The following TTLL11 variants were observed in gnomAD, a reference collection of about 807,000 sequenced individuals.
The protein encoded by TTLL11 is tubulin tyrosine ligase like 11, also known as tubulin polyglutamylase TTLL11.
TTLL11 carries 42 observed loss-of-function variants against 51.7 expected under a neutral mutation model. The ratio of observed to expected loss-of-function variants is 0.81; its 90% CI spans 0.64 to 1.05. The LOEUF (loss-of-function observed/expected upper bound fraction) is 1.05. Ranked by LOEUF, TTLL11 falls within the 50% of genes least tolerant of loss-of-function variation. The pLI, the probability that TTLL11 is intolerant of heterozygous loss-of-function variation, is 0.00. For synonymous variants in TTLL11, 381 were observed against 383.5 expected (o/e 0.99, Z 0.08); for missense variants, 799 against 940.4 (o/e 0.85, Z 1.97).
At chr9:122,082,056 T>C (rs1364651785) in intron 1 of TTLL11, among the ~76,000 whole-genome samples, 1 of 152,194 alleles carries the variant, frequency 6.6e-6, no homozygotes, top group Non-Finnish European at 1.5e-5. Flanking sequence ...ATGAATAGTA[T>C]ACAGTATTGG....
rs548887517 is a variant in TTLL11 at position 121,918,638 on chromosome 9, C to T, written c.1482-47890G>A. On this transcript the variant is annotated intron_variant, in intron 6 of 8. Transcript: ENST00000321582. ...AAATTTAAAAATGCATTCATTCATC[C>T]ATTTCACTTCATTTCTTCTCTGACC... 4.6e-5 allele frequency among the ~76,000 whole-genome samples: 7 copies of T among 152,278 alleles called. No homozygotes were observed. The South Asian group carries it at 1.5e-3, about 32-fold the overall frequency.
intron 1 of TTLL11, among the ~76,000 whole-genome samples, chr9:122,042,426 G>A (rs1844871844): frequency 6.6e-6 from 1 of 152,224 alleles, no homozygotes; most frequent in South Asian, 2.1e-4. Context: ...CATACCAAAT[G>A]CTGGCAAGGA....
At chr9:122,048,060 C>T (rs1845065392) in intron 1 of TTLL11, among the ~76,000 whole-genome samples, 1 of 152,142 alleles carries the variant, frequency 6.6e-6, no homozygotes, top group Admixed American at 6.5e-5. Flanking sequence ...TACTTCAGGG[C>T]CTCATCTCTC....
At chr9:122,056,107 G>C (rs1845285366) in intron 1 of TTLL11, among the ~76,000 whole-genome samples, 1 of 152,204 alleles carries the variant, frequency 6.6e-6, no homozygotes, top group African/African-American at 2.4e-5. Context: ...TCCTGAGCCT[G>C]ATGTATGCAC....
At chr9:121,964,692 C>T (rs1292117499) in intron 6 of TTLL11, among the ~76,000 whole-genome samples, 1 of 152,148 alleles carries the variant, frequency 6.6e-6, no homozygotes, top group African/African-American at 2.4e-5. Context: ...TGCACCCATC[C>T]CTCCTGCCTA....
chr9:122,062,037 G>C (rs1047027827), intron 1 of TTLL11, among the ~76,000 whole-genome samples: 2 of 152,204 alleles, frequency 1.3e-5, no homozygotes, highest in Non-Finnish European at 2.9e-5. Context: ...TCCTGTCAGG[G>C]AACTAGGAAT....
chr9:122,003,483 C>CTTTTTTTT (rs398012131), intron 3 of TTLL11, among the ~76,000 whole-genome samples: 1 of 116,450 alleles, frequency 8.6e-6, no homozygotes, highest in African/African-American at 3.3e-5. Context: ...GCATACGTTC[C>CTTTTTTTT]TTTTTTTTTT....
chr9:121,983,397 C>T (rs952698543), intron 4 of TTLL11, among the ~76,000 whole-genome samples: 1 of 152,166 alleles, frequency 6.6e-6, no homozygotes, highest in African/African-American at 2.4e-5. Context: ...AAGGTCAGGA[C>T]TGGAAATACA....
At chr9:121,905,047 GCC>G (rs928350598) in intron 6 of TTLL11, among the ~76,000 whole-genome samples, 9 of 152,084 alleles carry the variant, frequency 5.9e-5, no homozygotes, top group African/African-American at 2.2e-4. Flanking sequence ...TGTTCCCCAG[GCC>G]CTCAGAACGT....
At chr9:121,878,766 C>G (rs1564285060) in intron 6 of TTLL11, among the ~76,000 whole-genome samples, 1 of 152,224 alleles carries the variant, frequency 6.6e-6, no homozygotes. Context: ...TCTGCCCTGC[C>G]GGCCCTGAGC....
At chr9:122,036,405 A>G (rs1361396300) in intron 2 of TTLL11, among the ~76,000 whole-genome samples, 1 of 151,888 alleles carries the variant, frequency 6.6e-6, no homozygotes, top group East Asian at 2.0e-4. Flanking sequence ...GGACTTTCTT[A>G]AAGCTAAATC....
chr9:121,826,184 C>CCG (rs1491277758), intron 8 of TTLL11, among the ~76,000 whole-genome samples: 1 of 51,134 alleles, frequency 2.0e-5, no homozygotes, highest in Non-Finnish European at 3.3e-5. Context: ...AACCAGTAAC[C>CCG]TATATATATA....
At chr9:122,074,737 C>CAAAA (rs11427901) in intron 1 of TTLL11, among the ~76,000 whole-genome samples, 1 of 126,754 alleles carries the variant, frequency 7.9e-6, no homozygotes. Flanking sequence ...TTCGTCTCTA[C>CAAAA]AAAAAAAAAA....
intron 1 of TTLL11, among the ~76,000 whole-genome samples, chr9:122,053,098 A>G (rs1278648386): frequency 6.6e-6 from 1 of 152,230 alleles, no homozygotes; most frequent in Non-Finnish European, 1.5e-5. Flanking sequence ...CAGAGAAAGC[A>G]GAAGCTGGCC....
intron 8 of TTLL11, among the ~76,000 whole-genome samples, chr9:121,857,393 T>C (rs1837860315): frequency 6.6e-6 from 1 of 152,176 alleles, no homozygotes; most frequent in Admixed American, 6.5e-5. Context: ...AGGACTGAGT[T>C]CAAATCTTGC....
intron 6 of TTLL11, among the ~76,000 whole-genome samples, chr9:121,887,419 T>C (rs185382125): frequency 1.3e-5 from 2 of 152,340 alleles, no homozygotes; most frequent in East Asian, 1.9e-4. Context: ...TTCATGCATA[T>C]GGATGGCAAT....
intron 8 of TTLL11, among the ~76,000 whole-genome samples, chr9:121,852,311 G>A (rs1837685327): frequency 6.6e-6 from 1 of 152,206 alleles, no homozygotes; most frequent in Non-Finnish European, 1.5e-5. Context: ...CAAGGTAGAT[G>A]TCATTGCCCC....
chr9:122,019,123 T>C (rs1009105406), intron 3 of TTLL11, among the ~76,000 whole-genome samples: 3 of 152,238 alleles, frequency 2.0e-5, no homozygotes, highest in Admixed American at 6.5e-5. Flanking sequence ...ATCCCATTGA[T>C]GCCAACTTCC....
chr9:121,889,939 G>A (rs1452363398), intron 6 of TTLL11, among the ~76,000 whole-genome samples: 3 of 152,034 alleles, frequency 2.0e-5, no homozygotes, highest in East Asian at 1.9e-4. Flanking sequence ...GGAGGAAAGT[G>A]GAATCATATA....
Sources: allele counts gnomAD v4.1 joint callset (sites outside exome capture counted in the v4.1 genomes callset), GRCh38; gene constraint gnomAD v4.1.1; transcripts MANE v1.5; gene names NCBI Gene and HGNC (gene_info 2026-07-23, HGNC 2026-07-21).